Variants in POLK observed in about 807,000 individuals in gnomAD.
The protein encoded by POLK is polymerase (DNA directed) kappa.
POLK carries 76 observed loss-of-function variants against 94.0 expected under a neutral mutation model. The ratio of observed to expected loss-of-function variants is 0.81; its 90% CI spans 0.67 to 0.98. The LOEUF (loss-of-function observed/expected upper bound fraction) is 0.98, where lower values mean the gene tolerates loss of function less well. Among genes scored for constraint, POLK ranks in the 50% least tolerant of loss-of-function variants. The pLI, the probability that POLK is intolerant of heterozygous loss-of-function variation, is 0.00. For missense variants in POLK, 954 were observed against 1,010.1 expected, an observed-to-expected ratio of 0.94 and a Z score of 0.75; for synonymous variants, 349 against 325.4, an observed-to-expected ratio of 1.07 and a Z score of -0.78.
intron 1 of POLK, among the ~76,000 whole-genome samples, chr5:75,541,989 A>AT (rs1769766312): frequency 6.6e-6 from 1 of 152,232 alleles, no homozygotes; most frequent in African/African-American, 2.4e-5. Flanking sequence ...AGTAGATCAT[A>AT]TAAGATGTAT....
chr5:75,534,511 A>G (rs961027410), intron 1 of POLK, among the ~76,000 whole-genome samples: 23 of 152,118 alleles, frequency 1.5e-4, no homozygotes, highest in Non-Finnish European at 2.6e-4. Flanking sequence ...GGTTCTGTCC[A>G]AATATGTTTG....
At chr5:75,561,109 A>G (rs1185421544) in intron 3 of POLK, among the ~76,000 whole-genome samples, 1 of 152,160 alleles carries the variant, frequency 6.6e-6, no homozygotes, top group Non-Finnish European at 1.5e-5. Context: ...ACAATGGTTG[A>G]ACTAATTTAC....
At position 75,594,001 on chromosome 5, in the gene POLK, A is replaced by G. The variant is rs1772931051; in HGVS notation, c.1480A>G (p.Thr494Ala). The change falls in exon 12 of 15, where the codon ACA becomes GCA. Residue 494 changes from threonine (T) to alanine (A), a missense_variant. Transcript: ENST00000241436. ...TGCCATTGCTAAGGAATTGCTAAAAACAGAAATTGATGCTGATTTTCCACA... is the reference window on the plus strand; with the variant it reads ...TGCCATTGCTAAGGAATTGCTAAAAGCAGAAATTGATGCTGATTTTCCACA... 6 of 1,612,450 alleles carry G rather than the reference A, an allele frequency of 3.7e-6. No homozygotes were observed. In the South Asian group the frequency reaches 5.5e-5, roughly 15 times the overall value.
intron 1 of POLK, among the ~76,000 whole-genome samples, chr5:75,521,580 G>A (rs141464333): frequency 4.6e-5 from 7 of 152,182 alleles, no homozygotes; most frequent in East Asian, 1.9e-4. Context: ...TCACTCTCTC[G>A]TTAGGGTTAG....
intron 2 of POLK, among the ~76,000 whole-genome samples, chr5:75,547,911 A>T (rs1770130044): frequency 6.6e-6 from 1 of 152,146 alleles, no homozygotes; most frequent in African/African-American, 2.4e-5. Flanking sequence ...TATTCCACTT[A>T]TGAAAAATTA....
chr5:75,594,064 T>C lies in POLK; in HGVS notation c.1528+15T>C, dbSNP rs770847572. 50 of 1,536,758 alleles carry C rather than the reference T, an allele frequency of 3.3e-5. No individual in the cohort carries two copies. Among genetic ancestry groups the C allele is most frequent in the Non-Finnish European group, 4.1e-5 (47 of 1,137,644 alleles). On this transcript the variant is annotated intron_variant, in intron 12 of 14. Transcript: ENST00000241436. ...AAGGCTTATGGGTATGACTTTTTCA[T>C]TTTTTTGTTTTTCCTTAAATCTGCT...
At chr5:75,587,033 G>A (rs1186980513) in exon 10 of POLK, 2 of 1,554,732 alleles carry the variant, frequency 1.3e-6, no homozygotes, top group East Asian at 2.3e-5. Flanking sequence ...AAGGGATGGA[G>A]AGAGGAAAAG....
intron 2 of POLK, among the ~76,000 whole-genome samples, chr5:75,551,828 A>G (rs973316983): frequency 2.3e-4 from 35 of 152,228 alleles, no homozygotes; most frequent in Non-Finnish European, 4.0e-4. Flanking sequence ...AAGGTTGAGT[A>G]TAGAGGTACC....
At chr5:75,538,405 A>G (rs1377214797) in intron 1 of POLK, among the ~76,000 whole-genome samples, 2 of 152,226 alleles carry the variant, frequency 1.3e-5, no homozygotes, top group African/African-American at 4.8e-5. Context: ...TAAACCACAT[A>G]TTGTGATAGT....
exon 15 of POLK, chr5:75,598,036 A>G: frequency 1.0e-6 from 1 of 959,040 alleles, no homozygotes; most frequent in Non-Finnish European, 1.6e-6. Flanking sequence ...ACATTTTATC[A>G]TTAATTTTTA....
At chr5:75,545,024 TCTA>T (rs1401677166) in intron 1 of POLK, among the ~76,000 whole-genome samples, 3 of 152,194 alleles carry the variant, frequency 2.0e-5, no homozygotes, top group Admixed American at 6.5e-5. Context: ...CTATCTGGCT[TCTA>T]CTCCCAGACC....
At chr5:75,524,539 A>T (rs1379904306) in intron 1 of POLK, among the ~76,000 whole-genome samples, 2 of 152,056 alleles carry the variant, frequency 1.3e-5, no homozygotes, top group African/African-American at 4.8e-5. Flanking sequence ...GTATAAGTTT[A>T]TTTGCTTTTA....
chr5:75,545,921 T>C (rs1769996434), intron 1 of POLK, among the ~76,000 whole-genome samples: 1 of 152,192 alleles, frequency 6.6e-6, no homozygotes, highest in Admixed American at 6.5e-5. Context: ...ATAATATCTA[T>C]CTTTCAGGGC....
chr5:75,581,211 A>G (rs757623079), exon 7 of POLK: 2 of 1,591,242 alleles, frequency 1.3e-6, no homozygotes, highest in Non-Finnish European at 8.6e-7. Context: ...TGACTTAGAT[A>G]ATCCAGGAAA....
exon 13 of POLK, chr5:75,596,938 G>A: frequency 6.2e-7 from 1 of 1,613,486 alleles, no homozygotes; most frequent in Non-Finnish European, 8.5e-7. Context: ...TTCTTCTACT[G>A]TTTCATTGGA....
exon 1 of POLK, chr5:75,511,913 G>T: frequency 7.9e-7 from 1 of 1,264,652 alleles, no homozygotes; most frequent in Non-Finnish European, 1.1e-6. Context: ...CTGAGGTAAC[G>T]GGTGAGTATC....
chr5:75,528,720 A>G (rs1768990504), intron 1 of POLK, among the ~76,000 whole-genome samples: 1 of 152,164 alleles, frequency 6.6e-6, no homozygotes, highest in East Asian at 1.9e-4. Flanking sequence ...CTGAGTCAGA[A>G]GGATCACTTA....
intron 6 of POLK, among the ~76,000 whole-genome samples, chr5:75,577,519 T>G (rs1193476528): frequency 6.6e-6 from 1 of 152,130 alleles, no homozygotes; most frequent in Non-Finnish European, 1.5e-5. Flanking sequence ...CCAAGAAACA[T>G]GCAGATATTA....
chr5:75,555,980 C>T (rs1770600100), intron 3 of POLK, among the ~76,000 whole-genome samples: 2 of 152,298 alleles, frequency 1.3e-5, no homozygotes, highest in African/African-American at 4.8e-5. Flanking sequence ...CATGGCCAGG[C>T]TTATGTGTAG....
Sources: allele counts gnomAD v4.1 joint callset (sites outside exome capture counted in the v4.1 genomes callset), GRCh38; gene constraint gnomAD v4.1.1; transcripts MANE v1.5; gene names NCBI Gene and HGNC (gene_info 2026-07-23, HGNC 2026-07-21).